The following PRKD1 variants were observed in gnomAD, a reference collection of about 807,000 sequenced individuals.
The protein encoded by PRKD1 is protein kinase D1.
Under a neutral mutation model 95.9 loss-of-function variants are expected in PRKD1, and 63 were observed. The observed-to-expected ratio is 0.66, with a 90% CI of 0.54 to 0.81. The LOEUF is 0.81. PRKD1 is among the 30% of genes least tolerant of loss of function. PRKD1 has a pLI of 0.00. For synonymous variants in PRKD1, 425 were observed against 423.1 expected (o/e 1.00, Z -0.05); for missense variants, 1,048 against 1,165.3 (o/e 0.90, Z 1.47).
intron 1 of PRKD1, among the ~76,000 whole-genome samples, chr14:29,861,054 T>C (rs915955094): frequency 6.6e-6 from 1 of 152,232 alleles, no homozygotes; most frequent in Non-Finnish European, 1.5e-5. Context: ...AATATTTGTA[T>C]TAAAAATTAT....
intron 1 of PRKD1, among the ~76,000 whole-genome samples, chr14:29,770,015 C>A (rs1362062669): frequency 1.3e-5 from 2 of 152,080 alleles, no homozygotes; most frequent in Non-Finnish European, 2.9e-5. Flanking sequence ...GGGATTAGTG[C>A]CCTTATAAAA....
In PRKD1 at chr14:29,834,617, A is replaced by AT. The variant is rs566289533; in HGVS notation, c.264+92631dup. Among the ~76,000 whole-genome samples, 13 of 151,628 alleles carry AT rather than the reference A, an allele frequency of 8.6e-5. No homozygotes were observed. The East Asian group carries it at 1.9e-3, about 23-fold the overall frequency. Reference sequence around the variant, plus strand: ...AAACATAATAATAATTTTTCTCCCCATTTTTTTTCTATTTTACTAAATATT... The same window carrying AT: ...AAACATAATAATAATTTTTCTCCCCATTTTTTTTTCTATTTTACTAAATATT... On this transcript the variant is annotated intron_variant, in intron 1 of 17. Transcript: ENST00000331968.
intron 1 of PRKD1, among the ~76,000 whole-genome samples, chr14:29,906,437 C>T (rs1304698370): frequency 6.6e-6 from 1 of 151,978 alleles, no homozygotes; most frequent in Non-Finnish European, 1.5e-5. Flanking sequence ...TACTGGGATG[C>T]CCAGGCAGGA....
intron 4 of PRKD1, among the ~76,000 whole-genome samples, chr14:29,640,266 C>A (rs553181523): frequency 1.3e-5 from 2 of 152,234 alleles, no homozygotes; most frequent in African/African-American, 4.8e-5. Context: ...TATCACCATA[C>A]TCAGTTAATT....
chr14:29,626,440 G>A, intron 12 of PRKD1, 44 bp downstream of exon 12: 1 of 1,474,954 alleles, frequency 6.8e-7, no homozygotes, highest in Non-Finnish European at 9.4e-7. Context: ...AATATAACTA[G>A]CAAAAATTTT....
chr14:29,626,014 G>T lies in PRKD1; in HGVS notation c.1798+470C>A, dbSNP rs994325549. Among the ~76,000 whole-genome samples the T allele has an allele frequency of 5.9e-5, 9 of 151,888 alleles. No homozygotes were observed. In the South Asian group the frequency reaches 1.5e-3, roughly 25 times the overall value. ...ACAATAAGAAAATAGGTAAAGACTTGATATTTCACCTCAAAAATTAAAAAA... is the reference window on the plus strand; with the variant it reads ...ACAATAAGAAAATAGGTAAAGACTTTATATTTCACCTCAAAAATTAAAAAA... On this transcript the variant is annotated intron_variant, in intron 12 of 17. Coordinates refer to ENST00000331968, the MANE Select transcript of PRKD1 (RefSeq NM_002742.3).
intron 1 of PRKD1, among the ~76,000 whole-genome samples, chr14:29,823,442 A>G (rs10147474): frequency 0.15 from 22,477 of 152,180 alleles, 3,353 homozygotes; most frequent in African/African-American, 0.37. Flanking sequence ...TGCAAATGTT[A>G]AAGTATATAT....
At chr14:29,920,491 A>C (rs2139138030) in intron 1 of PRKD1, among the ~76,000 whole-genome samples, 1 of 152,110 alleles carries the variant, frequency 6.6e-6, no homozygotes, top group East Asian at 1.9e-4. Flanking sequence ...ACTGCATTCT[A>C]CCAAGTTCTA....
At chr14:29,699,571 G>T (rs939339061) in intron 2 of PRKD1, among the ~76,000 whole-genome samples, 1 of 151,904 alleles carries the variant, frequency 6.6e-6, no homozygotes, top group South Asian at 2.1e-4. Flanking sequence ...TGCCTTTTAT[G>T]GCAAAGTTTT....
At chr14:29,899,604 G>A (rs138612980) in intron 1 of PRKD1, among the ~76,000 whole-genome samples, 75 of 152,212 alleles carry the variant, frequency 4.9e-4, no homozygotes, top group African/African-American at 1.7e-3. Context: ...CTGAAATCAC[G>A]CCACTGCACT....
intron 1 of PRKD1, among the ~76,000 whole-genome samples, chr14:29,843,414 G>T (rs1235527548): frequency 6.6e-6 from 1 of 152,114 alleles, no homozygotes; most frequent in African/African-American, 2.4e-5. Flanking sequence ...GAAGATAAGT[G>T]CAAGGTATAA....
At chr14:29,609,506 G>GCA (rs150570301) in intron 13 of PRKD1, among the ~76,000 whole-genome samples, 14,237 of 126,918 alleles carry the variant, frequency 0.11, 1,425 homozygotes, top group African/African-American at 0.26. Flanking sequence ...GTGTGTGCGT[G>GCA]CACACACACA....
intron 1 of PRKD1, among the ~76,000 whole-genome samples, chr14:29,831,032 T>A (rs1891388159): frequency 6.6e-6 from 1 of 152,242 alleles, no homozygotes; most frequent in South Asian, 2.1e-4. Context: ...GTATTATTTC[T>A]GATTAATGTA....
chr14:29,593,929 C>CA (rs1414505991), intron 16 of PRKD1, among the ~76,000 whole-genome samples: 10 of 152,088 alleles, frequency 6.6e-5, no homozygotes, highest in Admixed American at 1.3e-4. Flanking sequence ...TCCTAAATAT[C>CA]AAGCCATAAG....
chr14:29,892,991 T>C (rs963475250), intron 1 of PRKD1, among the ~76,000 whole-genome samples: 1 of 152,210 alleles, frequency 6.6e-6, no homozygotes, highest in African/African-American at 2.4e-5. Context: ...CTCTATGAAT[T>C]TGAAACCCTT....
At chr14:29,799,466 T>C (rs1260877148) in intron 1 of PRKD1, among the ~76,000 whole-genome samples, 2 of 152,252 alleles carry the variant, frequency 1.3e-5, no homozygotes, top group Non-Finnish European at 2.9e-5. Context: ...ACTGCCATTG[T>C]TAAAGTTTTG....
chr14:29,779,666 T>C (rs1463248203), intron 1 of PRKD1, among the ~76,000 whole-genome samples: 2 of 152,208 alleles, frequency 1.3e-5, no homozygotes, highest in Non-Finnish European at 2.9e-5. Flanking sequence ...GAAAATTCCA[T>C]GCTCATAGAT....
At chr14:29,589,989 A>G (rs765289249) in intron 16 of PRKD1, among the ~76,000 whole-genome samples, 5 of 152,190 alleles carry the variant, frequency 3.3e-5, no homozygotes, top group South Asian at 2.1e-4. Flanking sequence ...AGTGCTGCTT[A>G]AAGTGATCTA....
At chr14:29,832,422 A>C (rs1430760288) in intron 1 of PRKD1, among the ~76,000 whole-genome samples, 1 of 152,110 alleles carries the variant, frequency 6.6e-6, no homozygotes, top group Non-Finnish European at 1.5e-5. Flanking sequence ...TTGATTTATA[A>C]GACTTTTCTG....
Sources: allele counts gnomAD v4.1 joint callset (sites outside exome capture counted in the v4.1 genomes callset), GRCh38; gene constraint gnomAD v4.1.1; transcripts MANE v1.5; gene names NCBI Gene and HGNC (gene_info 2026-07-23, HGNC 2026-07-21).